AASS: variants seen among roughly 807,000 people sequenced by gnomAD.
AASS encodes aminoadipate-semialdehyde synthase, also known as alpha-aminoadipic semialdehyde synthase, mitochondrial.
In AASS, 86 loss-of-function variants were observed where a neutral mutation model predicts 105.4. That is an observed-to-expected ratio of 0.82 (90% CI 0.69 to 0.98). AASS has a LOEUF of 0.98. Among genes scored for constraint, AASS ranks in the 50% least tolerant of loss-of-function variants. The probability of loss-of-function intolerance (pLI) is 0.00; values close to 1 mark genes in which losing one functional copy is unlikely to be tolerated. For synonymous variants in AASS, 381 were observed against 394.8 expected (o/e 0.96, Z 0.41); for missense variants, 1,048 against 1,143.2 (o/e 0.92, Z 1.20).
At chr7:122,129,809 A>G (rs1460117911) in intron 2 of AASS, among the ~76,000 whole-genome samples, 6 of 152,192 alleles carry the variant, frequency 3.9e-5, no homozygotes, top group Non-Finnish European at 8.8e-5. Flanking sequence ...GGTCATATGC[A>G]CTAGCACATG....
At chr7:122,118,285 A>G (rs370006306) in intron 6 of AASS, 22 bp downstream of exon 6, 160 of 1,613,218 alleles carry the variant, frequency 9.9e-5, no homozygotes, top group Non-Finnish European at 1.3e-4. Flanking sequence ...TGTTTTACAA[A>G]AGGAAGTCAG....
chr7:122,127,858 A>G (rs1308950904), intron 3 of AASS, among the ~76,000 whole-genome samples: 2 of 152,116 alleles, frequency 1.3e-5, no homozygotes, highest in Non-Finnish European at 2.9e-5. Flanking sequence ...TACAAAATGT[A>G]TGTCAGGAGA....
At chr7:122,095,310 A>G (rs752505500) in intron 15 of AASS, among the ~76,000 whole-genome samples, 1 of 152,180 alleles carries the variant, frequency 6.6e-6, no homozygotes, top group Non-Finnish European at 1.5e-5. Flanking sequence ...TGGCTGTGGT[A>G]TAATAATTTG....
At chr7:122,079,333 G>A in intron 21 of AASS, 15 of 1,364,714 alleles carry the variant, frequency 1.1e-5, no homozygotes, top group Non-Finnish European at 1.3e-5. Flanking sequence ...ATCTCCTACA[G>A]GAAAGCAAAA....
chr7:122,095,450 T>A (rs1315991950), intron 15 of AASS, among the ~76,000 whole-genome samples: 2 of 151,922 alleles, frequency 1.3e-5, no homozygotes, highest in Non-Finnish European at 2.9e-5. Context: ...TTTAATTTGT[T>A]TTTTAATGCC....
At chr7:122,096,555 G>C (rs572121295) in intron 15 of AASS, among the ~76,000 whole-genome samples, 1 of 152,130 alleles carries the variant, frequency 6.6e-6, no homozygotes, top group East Asian at 1.9e-4. Flanking sequence ...TTGAGTCTGG[G>C]AGGTGAAGGT....
chr7:122,116,848 C>T (rs779591145), intron 7 of AASS, 31 bp downstream of exon 7: 1 of 1,611,608 alleles, frequency 6.2e-7, no homozygotes, highest in Non-Finnish European at 8.5e-7. Context: ...CTGTTAAAAA[C>T]ATTAAAAGTT....
intron 8 of AASS, among the ~76,000 whole-genome samples, chr7:122,115,724 A>T (rs897087043): frequency 6.6e-6 from 1 of 152,204 alleles, no homozygotes; most frequent in Non-Finnish European, 1.5e-5. Flanking sequence ...ACATGCATAC[A>T]TGGCAACTAG....
rs1334737968 is a variant in AASS, at chr7:122,077,712, C to G, written c.2662+126G>C. 6 of 1,254,844 alleles carry G rather than the reference C, an allele frequency of 4.8e-6. No homozygotes were observed. In the East Asian group the frequency reaches 1.4e-4, roughly 29 times the overall value. The allele number at this position is 1,254,844 out of a possible 1,614,324, so 77.7% of individuals were successfully genotyped here. ...CCTCCCAGGCAGTCCGCGCTTGGATCTTCTAAGATGGTTCACTTTTAGTAA... is the reference window on the plus strand; with the variant it reads ...CCTCCCAGGCAGTCCGCGCTTGGATGTTCTAAGATGGTTCACTTTTAGTAA... On this transcript the variant is annotated intron_variant, in intron 23 of 23. Coordinates refer to ENST00000417368, the MANE Select transcript of AASS (RefSeq NM_005763.4).
chr7:122,129,706 A>G (rs1158064894), intron 2 of AASS, among the ~76,000 whole-genome samples, 169 bp from the exon 3 acceptor site: 2 of 152,216 alleles, frequency 1.3e-5, no homozygotes, highest in Non-Finnish European at 2.9e-5. Flanking sequence ...TGTTGGCTAA[A>G]GATAAATCTA....
At chr7:122,098,337 A>C in intron 15 of AASS, 113 bp downstream of exon 15, 2 of 1,210,498 alleles carry the variant, frequency 1.7e-6, no homozygotes, top group South Asian at 2.6e-5. Flanking sequence ...CCCATACTTC[A>C]ATTAAAAACT....
chr7:122,143,738 C>G (rs1645253263), intron 1 of AASS, among the ~76,000 whole-genome samples: 1 of 152,124 alleles, frequency 6.6e-6, no homozygotes, highest in Non-Finnish European at 1.5e-5. Flanking sequence ...GCCGTCCCCT[C>G]TAAGCACGCC....
At chr7:122,112,393 T>G (rs1794981640) in intron 11 of AASS, among the ~76,000 whole-genome samples, 1 of 152,130 alleles carries the variant, frequency 6.6e-6, no homozygotes, top group African/African-American at 2.4e-5. Flanking sequence ...GGAATACTAT[T>G]TGAAAGAAAA....
intron 13 of AASS, among the ~76,000 whole-genome samples, chr7:122,100,754 G>C (rs1307593488): frequency 2.6e-5 from 4 of 151,702 alleles, no homozygotes; most frequent in African/African-American, 9.7e-5. Context: ...CAAACTTTAA[G>C]TAGTAAAATC....
Position 122,116,907 on chromosome 7 carries a change from A to G in AASS, c.738T>C (p.His246=). 13 of 1,614,066 alleles carry G rather than the reference A, an allele frequency of 8.1e-6. No homozygotes were observed. The highest frequency in any genetic ancestry group is 1.1e-5 in the Non-Finnish European group (13 of 1,179,986). ...CAGTTTGGGAAACTTCTTTTAATTCATGGGGCTCCACATATTCACAAGGTA... is the reference window on the plus strand; with the variant it reads ...CAGTTTGGGAAACTTCTTTTAATTCGTGGGGCTCCACATATTCACAAGGTA... ...NELPCEYVEP[H]ELKEVSQTGD... is the part of the protein sequence containing the mutation. Residue 246 remains histidine, a synonymous_variant, in exon 7 of 24, where the codon CAT becomes CAC. Transcript: ENST00000417368.
At position 122,085,984 on chromosome 7, in the gene AASS, A is replaced by G. The variant is rs749467082; in HGVS notation, c.2184+28T>C. 2.5e-6 allele frequency: 4 copies of G among 1,613,030 alleles called. No homozygotes were observed. In the Admixed American group the frequency reaches 6.7e-5, roughly 27 times the overall value. ...CATCACTTACATCACAACTGGCAACATGTTGAATCTAAAGTCCAGCTGCTT... is the reference window on the plus strand; with the variant it reads ...CATCACTTACATCACAACTGGCAACGTGTTGAATCTAAAGTCCAGCTGCTT... On this transcript the variant is annotated intron_variant, in intron 19 of 23. Transcript: ENST00000417368.
intron 2 of AASS, among the ~76,000 whole-genome samples, chr7:122,132,158 C>A (rs549409074): frequency 6.6e-6 from 1 of 152,104 alleles, no homozygotes; most frequent in African/African-American, 2.4e-5. Flanking sequence ...ATATAAACTC[C>A]TCATAACAAG....
chr7:122,086,275 G>GAA, intron 18 of AASS, 96 bp from the exon 19 acceptor site: 18 of 1,092,480 alleles, frequency 1.6e-5, no homozygotes, highest in South Asian at 6.3e-5. Flanking sequence ...ACAGAAATTT[G>GAA]AAAAAAAAAA....
At chr7:122,081,720 G>C in intron 19 of AASS, 125 bp from the exon 20 acceptor site, 1 of 694,796 alleles carries the variant, frequency 1.4e-6, no homozygotes, top group South Asian at 1.8e-5. Flanking sequence ...TTGATGATAT[G>C]AGTACTACAG....
Sources: allele counts gnomAD v4.1 joint callset (sites outside exome capture counted in the v4.1 genomes callset), GRCh38; gene constraint gnomAD v4.1.1; transcripts MANE v1.5; gene names NCBI Gene and HGNC (gene_info 2026-07-23, HGNC 2026-07-21).